The following GLT8D2 variants were observed in gnomAD, a reference collection of about 807,000 sequenced individuals.
The protein encoded by GLT8D2 is glycosyltransferase 8 domain-containing protein 2.
GLT8D2 carries 45 observed loss-of-function variants against 44.5 expected under a neutral mutation model. The ratio of observed to expected loss-of-function variants is 1.01; its 90% CI spans 0.80 to 1.30. The LOEUF (loss-of-function observed/expected upper bound fraction) is 1.30, where lower values mean the gene tolerates loss of function less well. Ranked by LOEUF, GLT8D2 falls within the 50% of genes most tolerant of loss-of-function variation. The pLI is 0.00. For synonymous variants in GLT8D2, 156 were observed against 157.2 expected (o/e 0.99, Z 0.06); for missense variants, 400 against 430.4 (o/e 0.93, Z 0.62).
At chr12:104,007,260 CT>C in intron 4 of GLT8D2, among the ~76,000 whole-genome samples, 1 of 149,220 alleles carries the variant, frequency 6.7e-6, no homozygotes, top group Non-Finnish European at 1.5e-5. Context: ...CTCTCTCTCT[CT>C]CTCTCCCCCC....
intron 1 of GLT8D2, among the ~76,000 whole-genome samples, chr12:104,063,172 G>A: frequency 6.6e-6 from 1 of 152,126 alleles, no homozygotes; most frequent in East Asian, 1.9e-4. Flanking sequence ...AAAGGTTGGG[G>A]ACAGCTGAAA....
At chr12:104,009,166 G>A (rs1481314914) in intron 4 of GLT8D2, among the ~76,000 whole-genome samples, 1 of 152,152 alleles carries the variant, frequency 6.6e-6, no homozygotes, top group Non-Finnish European at 1.5e-5. Context: ...ACCGTTGCTG[G>A]AAAAGCTACA....
intron 1 of GLT8D2, among the ~76,000 whole-genome samples, chr12:104,029,394 A>G (rs1434374321): frequency 1.3e-5 from 2 of 152,202 alleles, no homozygotes; most frequent in Admixed American, 1.3e-4. Context: ...TTAATGTTAA[A>G]TTTCCTGAGA....
intron 4 of GLT8D2, 47 bp from the exon 5 acceptor site, chr12:104,003,353 G>C (rs1157757938): frequency 5.8e-6 from 9 of 1,557,416 alleles, no homozygotes; most frequent in Non-Finnish European, 8.0e-6. Context: ...GAATTTCACA[G>C]TAGAGCCAGT....
upstream of GLT8D2, among the ~76,000 whole-genome samples, chr12:104,052,672 T>C (rs558994502): frequency 1.3e-5 from 2 of 152,296 alleles, no homozygotes; most frequent in East Asian, 3.9e-4. Flanking sequence ...CCTCACACAA[T>C]CCAGCAGGTG....
intron 1 of GLT8D2, among the ~76,000 whole-genome samples, chr12:104,044,196 T>C (rs145867095): frequency 9.1e-4 from 138 of 152,250 alleles, no homozygotes; most frequent in African/African-American, 3.2e-3. Context: ...GGAATCCTCT[T>C]CCCAGATATC....
chr12:104,051,080 C>T (rs572366646), upstream of GLT8D2, among the ~76,000 whole-genome samples: 24 of 151,874 alleles, frequency 1.6e-4, no homozygotes, highest in East Asian at 4.4e-3. Context: ...TCCCAAAGTG[C>T]TGGGATTACA....
chr12:104,050,470 C>T (rs1216929874), upstream of GLT8D2, among the ~76,000 whole-genome samples: 1 of 152,176 alleles, frequency 6.6e-6, no homozygotes, highest in African/African-American at 2.4e-5. Flanking sequence ...ATGCTGTTGT[C>T]CCCAAATCAA....
At chr12:103,994,007 A>T (rs1873100351) in intron 9 of GLT8D2, 1 of 171,624 alleles carries the variant, frequency 5.8e-6, no homozygotes, top group Non-Finnish European at 1.2e-5. Context: ...AATCCTTAAT[A>T]AAAAAATCTA....
At chr12:104,022,436 T>C (rs1377561397) in intron 1 of GLT8D2, among the ~76,000 whole-genome samples, 1 of 152,208 alleles carries the variant, frequency 6.6e-6, no homozygotes, top group African/African-American at 2.4e-5. Flanking sequence ...TACACACCTC[T>C]ACCCAACTTC....
At chr12:104,025,384 T>C (rs1878453162) in intron 1 of GLT8D2, among the ~76,000 whole-genome samples, 1 of 151,934 alleles carries the variant, frequency 6.6e-6, no homozygotes, top group Non-Finnish European at 1.5e-5. Flanking sequence ...AATTTTTGTA[T>C]TTTTTGTAGA....
intron 1 of GLT8D2, among the ~76,000 whole-genome samples, chr12:104,044,090 C>T (rs1880842193): frequency 6.6e-6 from 1 of 152,170 alleles, no homozygotes; most frequent in Non-Finnish European, 1.5e-5. Context: ...AAAGTCATTA[C>T]AGCATCCTTC....
intron 1 of GLT8D2, among the ~76,000 whole-genome samples, chr12:104,033,158 A>C (rs34863477): frequency 0.021 from 3,229 of 152,294 alleles, 40 homozygotes; most frequent in Middle Eastern, 0.027. Context: ...CTGGGATTAC[A>C]GGTGTGAGCC....
At chr12:104,002,527 C>T (rs1200730571) in intron 5 of GLT8D2, among the ~76,000 whole-genome samples, 1 of 152,132 alleles carries the variant, frequency 6.6e-6, no homozygotes, top group African/African-American at 2.4e-5. Flanking sequence ...TTTCTGGGCT[C>T]AGAGAGACAC....
At chr12:104,013,986 C>A (rs1264404523) in intron 4 of GLT8D2, among the ~76,000 whole-genome samples, 1 of 152,208 alleles carries the variant, frequency 6.6e-6, no homozygotes, top group Non-Finnish European at 1.5e-5. Flanking sequence ...TCAAGTGATC[C>A]TCCCGCCTCA....
At chr12:104,050,924 C>T (rs1881659449), upstream of GLT8D2, among the ~76,000 whole-genome samples, 1 of 151,604 alleles carries the variant, frequency 6.6e-6, no homozygotes, top group Admixed American at 6.6e-5. Context: ...AAATGATTCT[C>T]CTGCCTCAGC....
upstream of GLT8D2, among the ~76,000 whole-genome samples, chr12:104,051,710 T>C (rs955879978): frequency 1.3e-5 from 2 of 152,056 alleles, no homozygotes; most frequent in African/African-American, 4.8e-5. Flanking sequence ...CTTTAACAAA[T>C]CTCTCCCTAT....
At chr12:104,031,031 T>G in intron 1 of GLT8D2, 1 of 1,148,538 alleles carries the variant, frequency 8.7e-7, no homozygotes, top group Non-Finnish European at 1.2e-6. Flanking sequence ...GGTGAGGACT[T>G]GGCGCCTCAA....
At chr12:104,047,072 T>A (rs1881229794) in intron 1 of GLT8D2, among the ~76,000 whole-genome samples, 1 of 152,126 alleles carries the variant, frequency 6.6e-6, no homozygotes, top group African/African-American at 2.4e-5. Context: ...CAAGAGATCC[T>A]CCCACCTTAC....
Sources: allele counts gnomAD v4.1 joint callset (sites outside exome capture counted in the v4.1 genomes callset), GRCh38; gene constraint gnomAD v4.1.1; transcripts MANE v1.5; gene names NCBI Gene and HGNC (gene_info 2026-07-23, HGNC 2026-07-21).